MACROD2: variants seen among roughly 807,000 people sequenced by gnomAD.
The protein encoded by MACROD2 is ADP-ribose glycohydrolase MACROD2.
Under a neutral mutation model 70.4 loss-of-function variants are expected in MACROD2, and 36 were observed. The observed-to-expected ratio is 0.51, with a 90% CI of 0.39 to 0.68. MACROD2 has a LOEUF of 0.68. Ranked by LOEUF, MACROD2 falls within the 30% of genes least tolerant of loss-of-function variation. The probability of loss-of-function intolerance (pLI) is 0.00; values close to 1 mark genes in which losing one functional copy is unlikely to be tolerated. For synonymous variants in MACROD2, 172 were observed against 178.8 expected (o/e 0.96, Z 0.30); for missense variants, 496 against 538.4 (o/e 0.92, Z 0.78).
chr20:14,538,829 C>T (rs2085398272), intron 4 of MACROD2, among the ~76,000 whole-genome samples: 1 of 152,166 alleles, frequency 6.6e-6, no homozygotes, highest in African/African-American at 2.4e-5. Flanking sequence ...TTCTGTATAG[C>T]ATGTATCCCA....
chr20:15,529,603 A>ATT (rs1343628844), intron 8 of MACROD2, among the ~76,000 whole-genome samples: 4 of 152,238 alleles, frequency 2.6e-5, no homozygotes, highest in African/African-American at 9.6e-5. Context: ...ATGTAAAGCC[A>ATT]TGTTTGTGAT....
intron 5 of MACROD2, among the ~76,000 whole-genome samples, chr20:15,118,196 A>T (rs6135339): frequency 0.48 from 70,617 of 146,038 alleles, 19,972 homozygotes; most frequent in East Asian, 0.86. Flanking sequence ...TTAATTTTAA[A>T]TTTTTTTTTT....
chr20:15,540,584 T>C (rs1023872568), intron 8 of MACROD2, among the ~76,000 whole-genome samples: 1 of 152,132 alleles, frequency 6.6e-6, no homozygotes, highest in African/African-American at 2.4e-5. Context: ...CCCAGGTCAA[T>C]TGGGTTGATG....
At chr20:14,423,632 G>T (rs1344516210) in intron 3 of MACROD2, among the ~76,000 whole-genome samples, 6 of 148,750 alleles carry the variant, frequency 4.0e-5, no homozygotes. Context: ...CCCAGGAGGC[G>T]GAGCTTGCGT....
chr20:14,625,273 G>A (rs535890124), intron 4 of MACROD2, among the ~76,000 whole-genome samples: 1 of 152,146 alleles, frequency 6.6e-6, no homozygotes, highest in African/African-American at 2.4e-5. Flanking sequence ...GTTGCAGTGA[G>A]TCGAGATCGT....
chr20:14,580,572 A>C (rs1980943665), intron 4 of MACROD2, among the ~76,000 whole-genome samples: 1 of 152,248 alleles, frequency 6.6e-6, no homozygotes, highest in Non-Finnish European at 1.5e-5. Flanking sequence ...TGATAACATA[A>C]GGAGACTGGC....
intron 5 of MACROD2, among the ~76,000 whole-genome samples, chr20:14,743,048 G>A (rs1210375332): frequency 6.6e-6 from 1 of 152,100 alleles, no homozygotes; most frequent in African/African-American, 2.4e-5. Context: ...TTACAGGTGT[G>A]AGCCACCGCG....
At chr20:15,632,492 A>G (rs2049305808) in intron 8 of MACROD2, among the ~76,000 whole-genome samples, 2 of 152,260 alleles carry the variant, frequency 1.3e-5, no homozygotes, top group Admixed American at 6.5e-5. Context: ...TATATACAAA[A>G]TCAAAAATTG....
chr20:14,748,577 G>C (rs1214319693), intron 5 of MACROD2, among the ~76,000 whole-genome samples: 4 of 152,100 alleles, frequency 2.6e-5, no homozygotes, highest in Admixed American at 1.3e-4. Context: ...AGAAGATGTA[G>C]AGAACTGTTA....
intron 5 of MACROD2, among the ~76,000 whole-genome samples, chr20:14,932,584 G>A (rs2074305676): frequency 6.6e-6 from 1 of 151,992 alleles, no homozygotes; most frequent in South Asian, 2.1e-4. Context: ...TTGTTTTTCT[G>A]AGATAGAGTC....
At chr20:14,264,034 G>A (rs1229928879) in intron 3 of MACROD2, among the ~76,000 whole-genome samples, 6 of 149,394 alleles carry the variant, frequency 4.0e-5, no homozygotes, top group Admixed American at 6.7e-5. Flanking sequence ...CACAACACAA[G>A]TGAAGGAAAA....
chr20:14,817,838 G>T (rs897517496), intron 5 of MACROD2, among the ~76,000 whole-genome samples: 1 of 152,114 alleles, frequency 6.6e-6, no homozygotes, highest in Admixed American at 6.6e-5. Context: ...AAGAAGATGT[G>T]ATGTCCCTGA....
At chr20:15,297,328 C>T (rs2146118940) in intron 6 of MACROD2, among the ~76,000 whole-genome samples, 1 of 152,236 alleles carries the variant, frequency 6.6e-6, no homozygotes, top group Middle Eastern at 3.4e-3. Context: ...TTTCAGAATC[C>T]AATTGTTACA....
chr20:14,582,922 A>G (rs1391955782), intron 4 of MACROD2, among the ~76,000 whole-genome samples: 2 of 152,164 alleles, frequency 1.3e-5, no homozygotes, highest in African/African-American at 4.8e-5. Flanking sequence ...ACATCAAGTG[A>G]AATTGTGGCA....
intron 15 of MACROD2, among the ~76,000 whole-genome samples, chr20:16,002,074 A>G (rs2066717117): frequency 1.3e-5 from 2 of 151,924 alleles, no homozygotes; most frequent in South Asian, 4.1e-4. Context: ...GTGTATATAC[A>G]TAAATATGTA....
chr20:14,353,382 A>C (rs184036238), intron 3 of MACROD2, among the ~76,000 whole-genome samples: 21 of 152,308 alleles, frequency 1.4e-4, no homozygotes, highest in Admixed American at 1.4e-3. Context: ...TGTGCAAATA[A>C]GACTGCAAGG....
At chr20:15,830,006 T>A (rs1008941546) in intron 8 of MACROD2, among the ~76,000 whole-genome samples, 6 of 152,176 alleles carry the variant, frequency 3.9e-5, no homozygotes, top group Middle Eastern at 6.3e-3. Flanking sequence ...TTCCAGAGTC[T>A]GCAGGCAGGT....
At chr20:14,338,917 T>G (rs905307277) in intron 3 of MACROD2, among the ~76,000 whole-genome samples, 1 of 152,236 alleles carries the variant, frequency 6.6e-6, no homozygotes, top group East Asian at 1.9e-4. Context: ...TTCATGTTGG[T>G]GGTAAGAACT....
At chr20:14,775,868 G>GA (rs202180256) in intron 5 of MACROD2, among the ~76,000 whole-genome samples, 40 of 150,566 alleles carry the variant, frequency 2.7e-4, no homozygotes, top group East Asian at 1.4e-3. Context: ...TGGGAACTGT[G>GA]AAAAAAAAAG....
Sources: allele counts gnomAD v4.1 joint callset (sites outside exome capture counted in the v4.1 genomes callset), GRCh38; gene constraint gnomAD v4.1.1; transcripts MANE v1.5; gene names NCBI Gene and HGNC (gene_info 2026-07-23, HGNC 2026-07-21).